The following PRKCE variants were observed in gnomAD, a reference collection of about 807,000 sequenced individuals.
The protein encoded by PRKCE is protein kinase C epsilon type.
Under a neutral mutation model 85.4 loss-of-function variants are expected in PRKCE, and 16 were observed. That is an observed-to-expected ratio of 0.19 (90% CI 0.13 to 0.28). The LOEUF is 0.28. Ranked by LOEUF, PRKCE falls within the 10% of genes least tolerant of loss-of-function variation. The pLI, the probability that PRKCE is intolerant of heterozygous loss-of-function variation, is 1.00. For synonymous variants in PRKCE, 388 were observed against 371.5 expected (o/e 1.04, Z -0.51); for missense variants, 573 against 975.2 (o/e 0.59, Z 5.49).
intron 14 of PRKCE, among the ~76,000 whole-genome samples, chr2:46,171,614 C>A (rs559050847): frequency 6.6e-6 from 1 of 152,200 alleles, no homozygotes; most frequent in Non-Finnish European, 1.5e-5. Context: ...TTAGACAAGA[C>A]GTCTAATGCC....
intron 14 of PRKCE, among the ~76,000 whole-genome samples, chr2:46,173,295 A>G (rs1679102771): frequency 6.6e-6 from 1 of 152,258 alleles, no homozygotes; most frequent in African/African-American, 2.4e-5. Context: ...CTTTTGGGCT[A>G]CAGTGGCAGA....
intron 2 of PRKCE, among the ~76,000 whole-genome samples, chr2:45,852,856 G>A (rs1258837633): frequency 1.3e-5 from 2 of 152,172 alleles, no homozygotes; most frequent in African/African-American, 4.8e-5. Flanking sequence ...AATGTGAATT[G>A]CCTGGAAAAC....
chr2:46,135,682 C>T (rs1293783347), intron 11 of PRKCE, among the ~76,000 whole-genome samples: 1 of 141,814 alleles, frequency 7.1e-6, no homozygotes, highest in East Asian at 2.1e-4. Context: ...CTTTGACTCT[C>T]GGTTATCAGC....
At chr2:45,979,115 C>A (rs1702685181) in intron 4 of PRKCE, 105 bp downstream of exon 4, 3 of 1,036,106 alleles carry the variant, frequency 2.9e-6, no homozygotes, top group Non-Finnish European at 2.9e-6. Flanking sequence ...TGGAGGCTCT[C>A]CACAGCTTGC....
intron 14 of PRKCE, among the ~76,000 whole-genome samples, chr2:46,162,819 A>T (rs898245130): frequency 6.6e-6 from 1 of 152,240 alleles, no homozygotes; most frequent in Non-Finnish European, 1.5e-5. Context: ...GGGAAAAAAA[A>T]TAAACGAGAG....
In PRKCE at chr2:45,895,692, G is replaced by A. The variant is rs373214039; in HGVS notation, c.412+52629G>A. Among the ~76,000 whole-genome samples, 6 of 152,170 alleles carry A rather than the reference G, an allele frequency of 3.9e-5. No individual in the cohort carries two copies. Among genetic ancestry groups the A allele is most frequent in the South Asian group, 2.1e-4 (1 of 4,826 alleles). On this transcript the variant is annotated intron_variant, in intron 2 of 14. Coordinates refer to ENST00000306156, the MANE Select transcript of PRKCE (RefSeq NM_005400.3). The surrounding 1 kb of genome is among the most constrained non-coding windows in gnomAD (Gnocchi z 4.8). ...CCATCTCAGCTGAATCAAATTGTAC[G>A]GAGCCCTTAATCTCTGCTAGGGGCT...
chr2:46,048,478 C>T (rs940367256), intron 10 of PRKCE, among the ~76,000 whole-genome samples: 46 of 152,356 alleles, frequency 3.0e-4, no homozygotes, highest in African/African-American at 1.1e-3. Context: ...CAATGTCCCA[C>T]CAGAGCCCCT....
chr2:45,948,230 TC>T lies in PRKCE; in HGVS notation c.413-28198del, dbSNP rs577044919. Among the ~76,000 whole-genome samples, 1,065 of 152,336 alleles carry T rather than the reference TC, an allele frequency of 7.0e-3. 4 individuals carry two copies. The highest frequency in any genetic ancestry group is 0.017 in the Middle Eastern group (5 of 294). On this transcript the variant is annotated intron_variant, in intron 2 of 14. Coordinates refer to ENST00000306156, the MANE Select transcript of PRKCE (RefSeq NM_005400.3). ...GGCACATGCAAAATAAAACAAATGC[TC>T]ATTGGCACATAGACATACAGAGCCT...
rs367563687 is a variant in PRKCE at position 45,843,053 on chromosome 2, G to A, written c.402G>A (p.Ser134=). 1.3e-5 allele frequency: 21 copies of A among 1,614,118 alleles called. No individual in the cohort carries two copies. The highest frequency in any genetic ancestry group is 6.7e-5 in the East Asian group (3 of 44,888). The change falls in exon 2 of 15, where the codon TCG becomes TCA. Residue 134 remains serine (S), a synonymous_variant. Coordinates refer to ENST00000306156, the MANE Select transcript of PRKCE (RefSeq NM_005400.3). ...RVYVIIDLSG[S]SGEAPKDNEE... ...ATGTGATCATCGATCTCTCAGGGTCGTCGGGTGAAGGTAGGAGAGCGTGAC... is the reference window on the plus strand; with the variant it reads ...ATGTGATCATCGATCTCTCAGGGTCATCGGGTGAAGGTAGGAGAGCGTGAC...
chr2:46,133,649 C>G (rs1269700234), intron 11 of PRKCE, among the ~76,000 whole-genome samples: 2 of 152,064 alleles, frequency 1.3e-5, no homozygotes, highest in African/African-American at 4.8e-5. Context: ...ACATTGAATA[C>G]TGGGTACTTT....
At chr2:45,920,733 G>T (rs2103934151) in intron 2 of PRKCE, among the ~76,000 whole-genome samples, 2 of 152,268 alleles carry the variant, frequency 1.3e-5, no homozygotes, top group Middle Eastern at 6.8e-3. Flanking sequence ...TGGGGGTGGG[G>T]AATTGGAGAA....
At chr2:45,925,959 G>A (rs573326142) in intron 2 of PRKCE, among the ~76,000 whole-genome samples, 2 of 152,212 alleles carry the variant, frequency 1.3e-5, no homozygotes, top group African/African-American at 2.4e-5. Context: ...GGGAGGCAAG[G>A]CTAACTTCAG....
intron 10 of PRKCE, among the ~76,000 whole-genome samples, chr2:46,047,056 G>C (rs989033805): frequency 6.6e-6 from 1 of 152,192 alleles, no homozygotes; most frequent in Non-Finnish European, 1.5e-5. Context: ...TTTAGGTCAG[G>C]AGAGGTGTAT....
intron 1 of PRKCE, among the ~76,000 whole-genome samples, chr2:45,686,772 A>G (rs1382122533): frequency 6.6e-6 from 1 of 152,138 alleles, no homozygotes. Context: ...GTGTAGACTG[A>G]GAAATCAGTA....
At chr2:46,012,790 A>C (rs1705796467) in intron 10 of PRKCE, among the ~76,000 whole-genome samples, 1 of 152,234 alleles carries the variant, frequency 6.6e-6, no homozygotes, top group Non-Finnish European at 1.5e-5. Context: ...TGTGCGTTGT[A>C]GAATAACAAG....
intron 2 of PRKCE, among the ~76,000 whole-genome samples, chr2:45,862,526 A>T (rs115040516): frequency 6.6e-6 from 1 of 152,200 alleles, no homozygotes; most frequent in African/African-American, 2.4e-5. Flanking sequence ...AGAATGCATC[A>T]GGCATTGCCT....
intron 1 of PRKCE, among the ~76,000 whole-genome samples, chr2:45,673,090 C>T (rs768327752): frequency 3.3e-5 from 5 of 152,070 alleles, no homozygotes; most frequent in African/African-American, 4.8e-5. Flanking sequence ...TTTTTAAAGA[C>T]TCCTCCACTC....
intron 2 of PRKCE, among the ~76,000 whole-genome samples, chr2:45,958,280 T>C (rs1351058946): frequency 6.9e-6 from 1 of 145,450 alleles, no homozygotes; most frequent in Non-Finnish European, 1.5e-5. Context: ...GAGGCCAAGG[T>C]GGGCAGATCA....
At chr2:46,006,478 C>T (rs1237860026) in intron 8 of PRKCE, among the ~76,000 whole-genome samples, 2 of 151,804 alleles carry the variant, frequency 1.3e-5, no homozygotes, top group Admixed American at 6.6e-5. Flanking sequence ...TGAGTAAGCC[C>T]TTATGGGACT....
Sources: allele counts gnomAD v4.1 joint callset (sites outside exome capture counted in the v4.1 genomes callset), GRCh38; gene constraint gnomAD v4.1.1; non-coding constraint Gnocchi (gnomAD v3.1); transcripts MANE v1.5; gene names NCBI Gene and HGNC (gene_info 2026-07-23, HGNC 2026-07-21).